Variants in GAS7 observed in about 807,000 individuals in gnomAD.
GAS7 encodes the protein growth arrest specific 7.
A neutral mutation model predicts 71.1 loss-of-function variants in GAS7; 28 were observed. The ratio of observed to expected loss-of-function variants is 0.39; its 90% CI spans 0.29 to 0.54. The LOEUF (loss-of-function observed/expected upper bound fraction) is 0.54, where lower values mean the gene tolerates loss of function less well. GAS7 is among the 20% of genes least tolerant of loss of function. The pLI is 0.62. For synonymous variants in GAS7, 258 were observed against 245.8 expected (o/e 1.05, Z -0.46); for missense variants, 436 against 627.8 (o/e 0.69, Z 3.27).
At chr17:9,961,221 T>C (rs73974350) in intron 4 of GAS7, among the ~76,000 whole-genome samples, 1,688 of 152,284 alleles carry the variant, frequency 0.011, 39 homozygotes, top group African/African-American at 0.037. Flanking sequence ...ACAGCTTCCA[T>C]AGACATTTTT....
chr17:10,150,415 TAC>T (rs3051267), intron 1 of GAS7, among the ~76,000 whole-genome samples: 42,918 of 145,460 alleles, frequency 0.3, 6,351 homozygotes, highest in Middle Eastern at 0.34. Flanking sequence ...ACTGGTTAAG[TAC>T]ACACACACAC....
rs1170215058 is a variant in GAS7 at position 9,913,390 on chromosome 17, T to C, written c.*3838A>G. The C allele has an allele frequency of 1.3e-5, 3 of 232,610 alleles. No individual in the cohort carries two copies. The highest frequency in any genetic ancestry group is 6.6e-5 in the African/African-American group (3 of 45,286). The allele number at this position is 232,610 out of a possible 1,614,324, so 14.4% of individuals were successfully genotyped here. The stretch of plus-strand genomic sequence containing the variant: ...AGACTACCTGCAGCTGGAAGTAAAA[T>C]CACCTAAACAAGCCAAGGTCGCTGA... On this transcript the variant is annotated 3_prime_UTR_variant, in exon 14 of 14. Transcript: ENST00000432992.
chr17:10,167,092 TC>T (rs1169189815), intron 1 of GAS7, among the ~76,000 whole-genome samples: 1 of 131,262 alleles, frequency 7.6e-6, no homozygotes, highest in Non-Finnish European at 1.6e-5. Context: ...AGTTTCACTC[TC>T]GTTGCCCAGG....
chr17:10,138,554 G>C (rs1017831587), intron 1 of GAS7, among the ~76,000 whole-genome samples: 9 of 152,018 alleles, frequency 5.9e-5, no homozygotes, highest in Non-Finnish European at 2.9e-5. Flanking sequence ...CATGGGGTCA[G>C]GAGTTTGAGA....
intron 1 of GAS7, among the ~76,000 whole-genome samples, chr17:10,066,495 TTTTTG>T (rs1388017288): frequency 1.3e-5 from 2 of 152,086 alleles, no homozygotes; most frequent in Admixed American, 6.6e-5. Flanking sequence ...AGACTACTTT[TTTTTG>T]TTTTGTTTTT....
In GAS7 at chr17:9,925,545, G is replaced by T. The variant is rs2067969665; in HGVS notation, c.1069C>A (p.Leu357Met). The change falls in exon 11 of 14, where the codon CTG (leucine) becomes ATG (methionine). Residue 357 changes from leucine to methionine, a missense_variant. Coordinates refer to ENST00000432992, the MANE Select transcript of GAS7 (RefSeq NM_201433.2). ...GTCTTGTTGCTCAGCTTGATCTCCAGCTGCTGGGTCTTCATCTCCAGGTCT... is the reference window on the plus strand; with the variant it reads ...GTCTTGTTGCTCAGCTTGATCTCCATCTGCTGGGTCTTCATCTCCAGGTCT... ...QRDLEMKTQQ[L>M]EIKLSNKTEE... is the part of the protein sequence containing the mutation. 1 of 1,614,064 alleles carries T rather than the reference G, an allele frequency of 6.2e-7. No homozygotes were observed. The highest frequency in any genetic ancestry group is 8.5e-7 in the Non-Finnish European group (1 of 1,179,944).
intron 2 of GAS7, among the ~76,000 whole-genome samples, chr17:10,003,098 C>T (rs981485447): frequency 6.6e-6 from 1 of 152,200 alleles, no homozygotes; most frequent in Non-Finnish European, 1.5e-5. Context: ...GGACACAACT[C>T]AACCCGTAAC....
At chr17:10,014,638 G>C (rs557411872) in intron 2 of GAS7, among the ~76,000 whole-genome samples, 50 of 152,186 alleles carry the variant, frequency 3.3e-4, no homozygotes, top group African/African-American at 1.0e-3. Flanking sequence ...GCAAAGACTT[G>C]GTTAATACCC....
chr17:10,046,201 C>T (rs537619979), intron 1 of GAS7, among the ~76,000 whole-genome samples: 6 of 152,188 alleles, frequency 3.9e-5, no homozygotes, highest in Admixed American at 2.6e-4. Context: ...GACAGGAACA[C>T]GGTACCCGGC....
chr17:9,940,014 G>C lies in GAS7; in HGVS notation c.806+112C>G, dbSNP rs1263136985. 11 of 776,972 alleles carry C rather than the reference G, an allele frequency of 1.4e-5. No homozygotes were observed. The African/African-American group carries it at 1.7e-4, about 12-fold the overall frequency. 48.1% of individuals were successfully genotyped at this position (776,972 alleles called of 1,614,324 possible). ...GTGCCCACCTTGAGCCAGGCCTATG[G>C]AGAGCTCCCCATCCAAAGTGGGGCC... On this transcript the variant is annotated intron_variant, in intron 8 of 13. Coordinates refer to ENST00000432992, the MANE Select transcript of GAS7 (RefSeq NM_201433.2).
intron 1 of GAS7, among the ~76,000 whole-genome samples, chr17:10,027,808 C>T (rs1391976748): frequency 6.6e-6 from 1 of 152,174 alleles, no homozygotes; most frequent in Non-Finnish European, 1.5e-5. Flanking sequence ...TTGCTTGAGG[C>T]CAGGAGTTCA....
At chr17:10,049,609 C>CTTTTTTTTTTTTTTTTTTTTTTTTTTTT (rs1168627510) in intron 1 of GAS7, among the ~76,000 whole-genome samples, 1 of 70,396 alleles carries the variant, frequency 1.4e-5, no homozygotes, top group Non-Finnish European at 2.8e-5. Flanking sequence ...GAAATTACTT[C>CTTTTTTTTTTTTTTTTTTTTTTTTTTTT]TTTTTTTTTT....
At chr17:9,942,177 C>A (rs1013690588) in intron 7 of GAS7, among the ~76,000 whole-genome samples, 1 of 151,950 alleles carries the variant, frequency 6.6e-6, no homozygotes, top group Non-Finnish European at 1.5e-5. Context: ...TCGCTTGAAC[C>A]CCGGAGATGG....
chr17:9,965,092 C>T (rs889329808), intron 4 of GAS7, among the ~76,000 whole-genome samples: 3 of 152,158 alleles, frequency 2.0e-5, no homozygotes, highest in Non-Finnish European at 4.4e-5. Flanking sequence ...CCCACTAGGA[C>T]GCGATTCTGC....
intron 3 of GAS7, among the ~76,000 whole-genome samples, chr17:9,977,572 C>A (rs1408156725): frequency 1.3e-5 from 2 of 152,152 alleles, no homozygotes; most frequent in Non-Finnish European, 2.9e-5. Context: ...CTTACTCATG[C>A]GGGTCTCACC....
At chr17:10,078,941 C>T (rs1304982266) in intron 1 of GAS7, among the ~76,000 whole-genome samples, 1 of 152,050 alleles carries the variant, frequency 6.6e-6, no homozygotes, top group East Asian at 1.9e-4. Context: ...GTAGTCCCAG[C>T]TACTTGGGAA....
chr17:9,985,470 CT>C (rs980276666), intron 2 of GAS7, among the ~76,000 whole-genome samples: 2 of 152,350 alleles, frequency 1.3e-5, no homozygotes, highest in Admixed American at 6.5e-5. Flanking sequence ...CCGCCTCCTG[CT>C]CCCCCATCCC....
At chr17:10,120,114 CG>C (rs2073893079) in intron 1 of GAS7, among the ~76,000 whole-genome samples, 1 of 150,702 alleles carries the variant, frequency 6.6e-6, no homozygotes, top group South Asian at 2.1e-4. Flanking sequence ...GCCCCCGCCC[CG>C]TGACAATCCC....
chr17:10,070,845 G>C (rs769927032), intron 1 of GAS7, among the ~76,000 whole-genome samples: 43 of 151,962 alleles, frequency 2.8e-4, no homozygotes, highest in South Asian at 2.1e-4. Context: ...CAGAGGTTGG[G>C]GTGGTGGCGA....
Sources: gnomAD v4.1 joint callset for allele counts (sites outside exome capture counted in the v4.1 genomes callset) on GRCh38, gnomAD v4.1.1 for gene constraint, MANE v1.5 for transcripts, NCBI Gene and HGNC (gene_info 2026-07-23, HGNC 2026-07-21) for gene names.